TBL1XR1: variants seen among roughly 807,000 people sequenced by gnomAD.
TBL1XR1 encodes the protein F-box-like/WD repeat-containing protein TBL1XR1.
In TBL1XR1, 5 loss-of-function variants were observed where a neutral mutation model predicts 66.9. That is an observed-to-expected ratio of 0.07 (90% CI 0.04 to 0.16). The LOEUF is 0.16. TBL1XR1 is among the 10% of genes least tolerant of loss of function. TBL1XR1 has a pLI of 1.00. For missense variants in TBL1XR1, 238 were observed against 623.2 expected, an observed-to-expected ratio of 0.38 and a Z score of 6.58; for synonymous variants, 210 against 206.0, an observed-to-expected ratio of 1.02 and a Z score of -0.17.
intron 1 of TBL1XR1, among the ~76,000 whole-genome samples, chr3:177,128,889 A>G (rs960570509): frequency 6.6e-6 from 1 of 152,102 alleles, no homozygotes; most frequent in Non-Finnish European, 1.5e-5. Context: ...CATCACAGCC[A>G]CTTTCCTCAT....
intron 1 of TBL1XR1, among the ~76,000 whole-genome samples, chr3:177,190,489 G>C (rs765102890): frequency 6.6e-6 from 1 of 152,046 alleles, no homozygotes; most frequent in Non-Finnish European, 1.5e-5. Context: ...CTAATTTTTT[G>C]TATTTTTAGT....
intron 2 of TBL1XR1, among the ~76,000 whole-genome samples, chr3:177,068,421 T>C (rs1026501571): frequency 6.6e-6 from 1 of 152,222 alleles, no homozygotes; most frequent in Non-Finnish European, 1.5e-5. Flanking sequence ...TTGGTGGCTA[T>C]ATTCAAAAGT....
At chr3:177,167,618 T>TA (rs371197968) in intron 1 of TBL1XR1, among the ~76,000 whole-genome samples, 143 of 152,302 alleles carry the variant, frequency 9.4e-4, no homozygotes, top group African/African-American at 3.3e-3. Context: ...ATTGTGAACC[T>TA]AAAACTGCTC....
intron 2 of TBL1XR1, among the ~76,000 whole-genome samples, chr3:177,068,320 T>C (rs1401819526): frequency 6.6e-6 from 1 of 152,204 alleles, no homozygotes; most frequent in Non-Finnish European, 1.5e-5. Context: ...AAAATTCCAA[T>C]CACTTATAGG....
intron 1 of TBL1XR1, among the ~76,000 whole-genome samples, chr3:177,176,420 C>T (rs1024214403): frequency 6.7e-6 from 1 of 150,368 alleles, no homozygotes; most frequent in Non-Finnish European, 1.5e-5. Context: ...TGGTCTCGAA[C>T]TCCTGACCTC....
At chr3:177,188,205 C>T (rs536057865) in intron 1 of TBL1XR1, among the ~76,000 whole-genome samples, 77 of 151,864 alleles carry the variant, frequency 5.1e-4, no homozygotes, top group African/African-American at 1.8e-3. Context: ...GCTGGGATTA[C>T]AGGCATCAGC....
At chr3:177,122,876 C>T (rs1312707804) in intron 1 of TBL1XR1, among the ~76,000 whole-genome samples, 1 of 152,092 alleles carries the variant, frequency 6.6e-6, no homozygotes, top group African/African-American at 2.4e-5. Flanking sequence ...AATAATGTGG[C>T]TTATTACAGT....
chr3:177,168,564 G>T (rs532384140), intron 1 of TBL1XR1, among the ~76,000 whole-genome samples: 9 of 152,294 alleles, frequency 5.9e-5, no homozygotes, highest in Non-Finnish European at 1.2e-4. Context: ...TTACAGGGGT[G>T]AGCTACCACG....
intron 1 of TBL1XR1, among the ~76,000 whole-genome samples, chr3:177,192,328 AGAG>A (rs1421175453): frequency 6.6e-6 from 1 of 151,692 alleles, no homozygotes; most frequent in African/African-American, 2.4e-5. Flanking sequence ...GGTTGCAGTA[AGAG>A]GAGATCGCGC....
intron 1 of TBL1XR1, among the ~76,000 whole-genome samples, chr3:177,156,311 A>G (rs1731496423): frequency 6.6e-6 from 1 of 151,716 alleles, no homozygotes; most frequent in Non-Finnish European, 1.5e-5. Flanking sequence ...CAGCCTGGCC[A>G]ACATGGCAAA....
intron 1 of TBL1XR1, among the ~76,000 whole-genome samples, chr3:177,180,253 A>G (rs1032143278): frequency 6.6e-6 from 1 of 151,044 alleles, no homozygotes; most frequent in African/African-American, 2.4e-5. Context: ...AAAAAAAAAA[A>G]AAAAGCATAC....
At chr3:177,172,628 G>GAA in intron 1 of TBL1XR1, among the ~76,000 whole-genome samples, 1 of 88,502 alleles carries the variant, frequency 1.1e-5, no homozygotes, top group South Asian at 4.3e-4. Flanking sequence ...TCTCAAGAAA[G>GAA]AGAGAAGAGA....
intron 2 of TBL1XR1, among the ~76,000 whole-genome samples, chr3:177,069,086 T>A (rs1251554412): frequency 6.6e-6 from 1 of 152,096 alleles, no homozygotes. Flanking sequence ...GTGATGCAAA[T>A]TTTCTGGGTC....
intron 3 of TBL1XR1, 67 bp downstream of exon 3, chr3:177,064,853 T>A: frequency 3.7e-6 from 4 of 1,091,330 alleles, no homozygotes; most frequent in Non-Finnish European, 5.3e-6. Context: ...AAATTTCAAA[T>A]GCATAAAAGA....
intron 10 of TBL1XR1, among the ~76,000 whole-genome samples, chr3:177,040,086 G>C (rs1715368871): frequency 6.6e-6 from 1 of 152,208 alleles, no homozygotes; most frequent in Non-Finnish European, 1.5e-5. Flanking sequence ...TGGTAGCAAA[G>C]GCAGGAGAAC....
chr3:177,191,114 G>C (rs1736092077), intron 1 of TBL1XR1, among the ~76,000 whole-genome samples: 1 of 152,164 alleles, frequency 6.6e-6, no homozygotes, highest in Non-Finnish European at 1.5e-5. Context: ...AGGCCGGCAA[G>C]AATCCCAACT....
At chr3:177,087,970 T>C (rs1722353370) in intron 2 of TBL1XR1, among the ~76,000 whole-genome samples, 1 of 152,206 alleles carries the variant, frequency 6.6e-6, no homozygotes, top group Non-Finnish European at 1.5e-5. Context: ...CCTTTTGTTT[T>C]AACATTACCG....
intron 1 of TBL1XR1, among the ~76,000 whole-genome samples, chr3:177,140,281 C>T (rs983013529): frequency 5.9e-5 from 9 of 152,288 alleles, no homozygotes; most frequent in East Asian, 1.9e-4. Flanking sequence ...GCCTGGGTGA[C>T]GGAGTGAGAC....
chr3:177,174,117 G>A (rs577275515), intron 1 of TBL1XR1, among the ~76,000 whole-genome samples: 4 of 152,142 alleles, frequency 2.6e-5, no homozygotes, highest in African/African-American at 9.6e-5. Flanking sequence ...CTTGGTTAAG[G>A]TTATTATGAT....
Sources: allele counts gnomAD v4.1 joint callset (sites outside exome capture counted in the v4.1 genomes callset), GRCh38; gene constraint gnomAD v4.1.1; transcripts MANE v1.5; gene names NCBI Gene and HGNC (gene_info 2026-07-23, HGNC 2026-07-21).